The following WLS variants were observed in gnomAD, a reference collection of about 807,000 sequenced individuals.
WLS encodes protein wntless homolog.
Under a neutral mutation model 62.8 loss-of-function variants are expected in WLS, and 23 were observed. The observed-to-expected ratio is 0.37, with a 90% CI of 0.26 to 0.52. WLS has a LOEUF of 0.52. Among genes scored for constraint, WLS ranks in the 20% least tolerant of loss-of-function variants. WLS has a pLI of 0.92. For synonymous variants in WLS, 246 were observed against 244.1 expected (o/e 1.01, Z -0.07); for missense variants, 615 against 697.3 (o/e 0.88, Z 1.33).
Position 68,153,546 on chromosome 1 carries a change from C to T in WLS, c.774G>A (p.Met258Ile). 1 of 1,614,158 alleles carries T rather than the reference C, an allele frequency of 6.2e-7. No homozygotes were observed. Among genetic ancestry groups the T allele is most frequent in the Non-Finnish European group, 8.5e-7 (1 of 1,180,016 alleles). Reference protein sequence around the residue: ...IMVWYWRRITMMSRPPVLLEK... With the variant: ...IMVWYWRRITIMSRPPVLLEK... ...CCAGAAGCACTGGGGGTCGGGACATCATGGTGATCCTCCTCCAATACCACA... is the reference window on the plus strand; with the variant it reads ...CCAGAAGCACTGGGGGTCGGGACATTATGGTGATCCTCCTCCAATACCACA... Residue 258 changes from methionine (M) to isoleucine (I), a missense_variant, in exon 5 of 12, where the codon ATG (methionine) becomes ATA (isoleucine). Met to Ile is a conservative substitution (Grantham distance 10, BLOSUM62 1). Transcript: ENST00000262348.
At chr1:68,190,253 C>G (rs1322391289) in intron 2 of WLS, among the ~76,000 whole-genome samples, 2 of 152,158 alleles carry the variant, frequency 1.3e-5, no homozygotes, top group Non-Finnish European at 2.9e-5. Flanking sequence ...TATCTTACCC[C>G]CTAATCTAGA....
In WLS at chr1:68,162,492, C is replaced by A. The variant is rs796423130; in HGVS notation, c.380-3245G>T. On this transcript the variant is annotated intron_variant, in intron 2 of 11. Transcript: ENST00000262348. ...AAAATATGACGCTGAATCCAAAGGC[C>A]TTGGCTCGAACTGCAACCGCCTACC... 11 of 1,613,898 alleles carry A rather than the reference C, an allele frequency of 6.8e-6. No individual in the cohort carries two copies. In the African/African-American group the frequency reaches 1.5e-4, roughly 22 times the overall value.
At chr1:68,165,644 C>G (rs779327973) in intron 2 of WLS, among the ~76,000 whole-genome samples, 1 of 152,092 alleles carries the variant, frequency 6.6e-6, no homozygotes, top group African/African-American at 2.4e-5. Context: ...TGTAGAAGCA[C>G]GCAAGGCCCC....
At chr1:68,107,434 A>G (rs1646163214) in intron 11 of WLS, among the ~76,000 whole-genome samples, 1 of 152,198 alleles carries the variant, frequency 6.6e-6, no homozygotes, top group Non-Finnish European at 1.5e-5. Flanking sequence ...CTGCAATGAG[A>G]AGACATTGCT....
At position 68,171,226 on chromosome 1, in the gene WLS, C is replaced by A. The variant is rs573811405; in HGVS notation, c.380-11979G>T. Among the ~76,000 whole-genome samples, 3 of 152,254 alleles carry A rather than the reference C, an allele frequency of 2.0e-5. No homozygotes were observed. In the South Asian group the frequency reaches 6.2e-4, roughly 32 times the overall value. ...AACCATAAAAACCCTAGAAGACAAC[C>A]TAGGCAATACCATTCAGGACATAGG... On this transcript the variant is annotated intron_variant, in intron 2 of 11. Coordinates refer to ENST00000262348, the MANE Select transcript of WLS (RefSeq NM_024911.7).
chr1:68,109,101 AAC>A, intron 11 of WLS, among the ~76,000 whole-genome samples: 1 of 152,370 alleles, frequency 6.6e-6, no homozygotes, highest in Non-Finnish European at 1.5e-5. Context: ...CAAAGACCTG[AAC>A]ACACAGCAAT....
intron 2 of WLS, among the ~76,000 whole-genome samples, chr1:68,183,262 A>C (rs920981517): frequency 1.3e-5 from 2 of 152,188 alleles, no homozygotes; most frequent in Non-Finnish European, 2.9e-5. Context: ...CGTAAATGAA[A>C]GAAGACCTCT....
At chr1:68,163,954 G>A (rs1647024094) in intron 2 of WLS, among the ~76,000 whole-genome samples, 1 of 152,240 alleles carries the variant, frequency 6.6e-6, no homozygotes, top group East Asian at 1.9e-4. Flanking sequence ...TTTCTACGGT[G>A]GCTTAAAGCT....
At chr1:68,218,066 C>T (rs1649805052) in intron 1 of WLS, among the ~76,000 whole-genome samples, 1 of 152,180 alleles carries the variant, frequency 6.6e-6, no homozygotes, top group South Asian at 2.1e-4. Flanking sequence ...GAGGAACTGA[C>T]TGCTGAAATT....
chr1:68,208,910 A>G (rs1382146407), intron 1 of WLS, among the ~76,000 whole-genome samples: 1 of 152,136 alleles, frequency 6.6e-6, no homozygotes, highest in African/African-American at 2.4e-5. Context: ...TTTGGTCCAA[A>G]TTCTGGGCTT....
At chr1:68,162,426 G>A (rs570318141) in intron 2 of WLS, 104 of 1,613,698 alleles carry the variant, frequency 6.4e-5, no homozygotes, top group Non-Finnish European at 8.3e-5. Context: ...CCCTCTGCAC[G>A]CCCAGGGATC....
At chr1:68,138,219 C>A (rs1042520274) in intron 10 of WLS, 2 of 373,024 alleles carry the variant, frequency 5.4e-6, no homozygotes, top group African/African-American at 4.1e-5. Flanking sequence ...TCATTGCTAT[C>A]CCTAAGTTAA....
chr1:68,194,790 G>A (rs1648572668), intron 1 of WLS, among the ~76,000 whole-genome samples: 1 of 152,198 alleles, frequency 6.6e-6, no homozygotes. Context: ...GGGGACACCA[G>A]TTAGCTTGGT....
chr1:68,150,330 A>T lies in WLS; in HGVS notation c.830T>A (p.Met277Lys). ...TTCCACTGGGATATTGATAAAGGTC[A>T]TGGAAATCCCAAGGGCAAAGATGAC... Reference protein sequence around the residue: ...EKVIFALGISMTFINIPVEWF... With the variant: ...EKVIFALGISKTFINIPVEWF... Residue 277 changes from methionine (M) to lysine (K), a missense_variant, in exon 6 of 12, where the codon ATG becomes AAG. Coordinates refer to ENST00000262348, the MANE Select transcript of WLS (RefSeq NM_024911.7). The T allele has an allele frequency of 6.2e-7, 1 of 1,614,060 alleles. No individual in the cohort carries two copies. The highest frequency in any genetic ancestry group is 8.5e-7 in the Non-Finnish European group (1 of 1,179,870).
intron 2 of WLS, among the ~76,000 whole-genome samples, chr1:68,165,583 T>C (rs1225956513): frequency 6.6e-6 from 1 of 152,190 alleles, no homozygotes; most frequent in African/African-American, 2.4e-5. Context: ...AAAAGGCTGC[T>C]ATTTGTTGGA....
At chr1:68,151,603 A>G (rs1236163247) in intron 5 of WLS, among the ~76,000 whole-genome samples, 1 of 152,058 alleles carries the variant, frequency 6.6e-6, no homozygotes, top group Non-Finnish European at 1.5e-5. Context: ...AATGAGCATC[A>G]TGAAAAAAAA....
chr1:68,112,836 C>T lies in WLS; in HGVS notation c.1511-14083G>A, dbSNP rs140554932. ...TCCTCTACTTAAGAATCATTCCAAGCAATTACCATGGAAACAAATATCTTC... is the reference window on the plus strand; with the variant it reads ...TCCTCTACTTAAGAATCATTCCAAGTAATTACCATGGAAACAAATATCTTC... On this transcript the variant is annotated intron_variant, in intron 11 of 11. Transcript: ENST00000354777. Among the ~76,000 whole-genome samples the T allele has an allele frequency of 3.2e-4, 48 of 152,330 alleles. No homozygotes were observed. In the South Asian group the frequency reaches 9.3e-3, roughly 30 times the overall value.
intron 11 of WLS, among the ~76,000 whole-genome samples, chr1:68,105,980 C>CT (rs1251140353): frequency 6.6e-6 from 1 of 152,090 alleles, no homozygotes; most frequent in Non-Finnish European, 1.5e-5. Context: ...AATCACTTCT[C>CT]TTTTTTCCTT....
intron 11 of WLS, among the ~76,000 whole-genome samples, chr1:68,100,439 A>G (rs1158260404): frequency 2.0e-5 from 3 of 152,194 alleles, no homozygotes; most frequent in African/African-American, 7.2e-5. Flanking sequence ...GCAAAGAATA[A>G]ATCAGGTGTG....
Sources: gnomAD v4.1 joint callset for allele counts (sites outside exome capture counted in the v4.1 genomes callset) on GRCh38, gnomAD v4.1.1 for gene constraint, MANE v1.5 for transcripts, NCBI Gene and HGNC (gene_info 2026-07-23, HGNC 2026-07-21) for gene names.